CHID1: variants seen among roughly 807,000 people sequenced by gnomAD.
The protein encoded by CHID1 is chitinase domain-containing protein 1.
CHID1 carries 44 observed loss-of-function variants against 55.4 expected under a neutral mutation model. The ratio of observed to expected loss-of-function variants is 0.79; its 90% CI spans 0.62 to 1.02. The LOEUF (loss-of-function observed/expected upper bound fraction) is 1.02, where lower values mean the gene tolerates loss of function less well. Ranked by LOEUF, CHID1 falls within the 50% of genes least tolerant of loss-of-function variation. The pLI, the probability that CHID1 is intolerant of heterozygous loss-of-function variation, is 0.00. For missense variants in CHID1, 491 were observed against 515.3 expected, an observed-to-expected ratio of 0.95 and a Z score of 0.46; for synonymous variants, 216 against 212.9, an observed-to-expected ratio of 1.01 and a Z score of -0.13.
At position 869,841 on chromosome 11, in the gene CHID1, G is replaced by C. The variant is rs1326673135; in HGVS notation, c.*17C>G. On this transcript the variant is annotated 3_prime_UTR_variant, in exon 13 of 13. Transcript: ENST00000323578. ...CTTAGAAAAGAACACGTCCACCGCG[G>C]AGGCCGCAATGCCCACCTAGAGCAG... 6.2e-7 allele frequency: 1 copy of C among 1,608,084 alleles called. No individual in the cohort carries two copies. Among genetic ancestry groups the C allele is most frequent in the South Asian group, 1.1e-5 (1 of 90,994 alleles).
In CHID1 at chr11:870,141, C is replaced by T. The variant is rs138166915; in HGVS notation, c.1063G>A (p.Val355Ile). 1.3e-4 allele frequency: 203 copies of T among 1,613,048 alleles called. No homozygotes were observed. The highest frequency in any genetic ancestry group is 1.5e-4 in the Non-Finnish European group (182 of 1,179,968). Residue 355 changes from valine to isoleucine, a missense_variant, in exon 12 of 13, where the codon GTC becomes ATC. Transcript: ENST00000323578. ...YKKSRSGRHV[V>I]FYPTLKSLQV... ...CGCACCTTCAGGGTTGGGTAGAAGA[C>T]GACGTGCCTCCCACTGCGGCTCCTG...
At position 902,071 on chromosome 11, in the gene CHID1, C is replaced by A. The variant is rs1373046569; in HGVS notation, c.394+127G>T. 12 of 957,896 alleles carry A rather than the reference C, an allele frequency of 1.3e-5. No individual in the cohort carries two copies. In the East Asian group the frequency reaches 3.2e-4, roughly 26 times the overall value. The allele number at this position is 957,896 out of a possible 1,614,324, so 59.3% of individuals were successfully genotyped here. ...CATTCACACTTAAATCACGCAGAGA[C>A]ACACACACACTCCCATACAGAGACA... On this transcript the variant is annotated intron_variant, in intron 4 of 12. Transcript: ENST00000323578.
intron 10 of CHID1, chr11:870,809 C>CTCAGG: frequency 6.3e-6 from 2 of 316,770 alleles, no homozygotes; most frequent in South Asian, 3.7e-5. Context: ...GACCCTCAGG[C>CTCAGG]CGCGCAGCGG....
rs1197539046 is a variant in CHID1 at position 902,965 on chromosome 11, A to G, written c.258T>C (p.Thr86=). 4 of 1,613,256 alleles carry G rather than the reference A, an allele frequency of 2.5e-6. No homozygotes were observed. The highest frequency in any genetic ancestry group is 2.2e-5 in the East Asian group (1 of 44,856). The change falls in exon 3 of 13, where the codon ACT becomes ACC. Residue 86 remains threonine (T), a synonymous_variant. Transcript: ENST00000323578. The stretch of plus-strand genomic sequence containing the variant: ...CACTGTGAGGGCCCCAACTTACTGG[A>G]GTGACATAGCCCAGTACATCCCCAG... The part of the protein sequence containing the change: ...HFAGDVLGYV[T]PWNSHGYDVT...
At chr11:886,213 A>G (rs1850385223) in intron 8 of CHID1, among the ~76,000 whole-genome samples, 1 of 148,680 alleles carries the variant, frequency 6.7e-6, no homozygotes, top group Non-Finnish European at 1.5e-5. Flanking sequence ...TAATCCCAGC[A>G]TTTGGGGAGG....
chr11:909,150 G>A (rs1018698267), intron 1 of CHID1, among the ~76,000 whole-genome samples: 1 of 152,194 alleles, frequency 6.6e-6, no homozygotes, highest in African/African-American at 2.4e-5. Flanking sequence ...CCAGGCCCTT[G>A]TCTGGGCTTT....
intron 8 of CHID1, among the ~76,000 whole-genome samples, chr11:891,768 C>A (rs1850841890): frequency 6.6e-6 from 1 of 152,152 alleles, no homozygotes; most frequent in Non-Finnish European, 1.5e-5. Context: ...AAGGACGTGT[C>A]CTCACAGCCA....
intron 10 of CHID1, among the ~76,000 whole-genome samples, chr11:876,471 A>G (rs1156705059): frequency 6.6e-6 from 1 of 152,198 alleles, no homozygotes; most frequent in African/African-American, 2.4e-5. Flanking sequence ...CACCGTGCAG[A>G]CATTCAGGCG....
chr11:914,583 C>T (rs1394687133), upstream of CHID1: 8 of 1,289,208 alleles, frequency 6.2e-6, no homozygotes, highest in Non-Finnish European at 6.1e-6. Context: ...CAAAAGCACT[C>T]GAAGGCTGGG....
upstream of CHID1, chr11:911,145 G>A (rs976504390): frequency 2.6e-5 from 4 of 152,036 alleles, no homozygotes; most frequent in African/African-American, 4.8e-5. Flanking sequence ...GGGCTCCAGG[G>A]CCTCTGCCCG....
chr11:896,807 G>A (rs1478938003), intron 7 of CHID1, among the ~76,000 whole-genome samples: 10 of 136,704 alleles, frequency 7.3e-5, no homozygotes, highest in African/African-American at 2.8e-4. Context: ...CAGACACAAT[G>A]AGCCTGTCTC....
intron 9 of CHID1, among the ~76,000 whole-genome samples, 165 bp from the exon 10 acceptor site, chr11:883,468 C>A (rs1005343388): frequency 6.6e-6 from 1 of 152,142 alleles, no homozygotes; most frequent in Admixed American, 6.5e-5. Flanking sequence ...GTCAGCAGAG[C>A]GGGCCCATGA....
intron 8 of CHID1, among the ~76,000 whole-genome samples, chr11:884,994 G>C (rs754986455): frequency 6.6e-6 from 1 of 152,220 alleles, no homozygotes; most frequent in Admixed American, 6.5e-5. Flanking sequence ...AGATCTATAA[G>C]CCAAGGGGAG....
At chr11:901,473 C>T (rs778758077) in intron 4 of CHID1, among the ~76,000 whole-genome samples, 1 of 152,222 alleles carries the variant, frequency 6.6e-6, no homozygotes, top group Non-Finnish European at 1.5e-5. Flanking sequence ...CGAGCCCAAA[C>T]GCAAGGCGCA....
At chr11:872,323 G>A (rs180795260) in intron 10 of CHID1, among the ~76,000 whole-genome samples, 2 of 152,224 alleles carry the variant, frequency 1.3e-5, no homozygotes, top group African/African-American at 2.4e-5. Context: ...ACGCCCAGCT[G>A]GTTTTTGTAT....
At position 868,769 on chromosome 11, in the gene CHID1, C is replaced by T. The variant is rs773519480; in HGVS notation, c.*1089G>A. The T allele has an allele frequency of 1.6e-4, 24 of 152,320 alleles. No homozygotes were observed. The highest frequency in any genetic ancestry group is 2.8e-4 in the Non-Finnish European group (19 of 68,134). 9.4% of individuals were successfully genotyped at this position (152,320 alleles called of 1,614,324 possible). ...AACATTACTGACTCTAAACCAGAAC[C>T]CAGTGCCCACCCTGTCCTCACCGTC... On this transcript the variant is annotated 3_prime_UTR_variant, in exon 13 of 13. Coordinates refer to ENST00000323578, the MANE Select transcript of CHID1 (RefSeq NM_023947.4).
chr11:898,099 G>C (rs547917855), intron 7 of CHID1, among the ~76,000 whole-genome samples: 2 of 152,214 alleles, frequency 1.3e-5, no homozygotes, highest in Non-Finnish European at 2.9e-5. Context: ...ACCGGCTCCA[G>C]GCTGAGGGTC....
intron 8 of CHID1, among the ~76,000 whole-genome samples, chr11:887,832 C>T (rs1420745960): frequency 6.6e-6 from 1 of 152,246 alleles, no homozygotes; most frequent in African/African-American, 2.4e-5. Flanking sequence ...CCATGCCCTC[C>T]ACCACCTCAT....
At chr11:906,798 G>A (rs1852253822) in intron 1 of CHID1, among the ~76,000 whole-genome samples, 1 of 152,168 alleles carries the variant, frequency 6.6e-6, no homozygotes, top group Non-Finnish European at 1.5e-5. Flanking sequence ...GGAGGCCAAG[G>A]CAGGCAGATC....
Sources: gnomAD v4.1 joint callset for allele counts (sites outside exome capture counted in the v4.1 genomes callset) on GRCh38, gnomAD v4.1.1 for gene constraint, MANE v1.5 for transcripts, NCBI Gene and HGNC (gene_info 2026-07-23, HGNC 2026-07-21) for gene names.